Variants in SPATA13 observed in about 807,000 individuals in gnomAD.
SPATA13 encodes spermatogenesis-associated protein 13.
SPATA13 carries 50 observed loss-of-function variants against 104.0 expected under a neutral mutation model. The ratio of observed to expected loss-of-function variants is 0.48; its 90% CI spans 0.38 to 0.61. The LOEUF is 0.61. SPATA13 is among the 20% of genes least tolerant of loss of function. SPATA13 has a pLI of 0.00. For missense variants in SPATA13, 1,524 were observed against 1,690.6 expected (o/e 0.90, Z 1.73); for synonymous variants, 606 against 667.5 (o/e 0.91, Z 1.42).
intron 3 of SPATA13, among the ~76,000 whole-genome samples, chr13:24,082,215 G>C (rs565402102): frequency 6.6e-6 from 1 of 152,306 alleles, no homozygotes; most frequent in South Asian, 2.1e-4. Context: ...CAACAGGGGA[G>C]GACGCTGAGG....
chr13:24,279,325 G>A (rs1449219082), intron 4 of SPATA13, among the ~76,000 whole-genome samples: 1 of 152,198 alleles, frequency 6.6e-6, no homozygotes. Context: ...AGAGGGGTGG[G>A]AGGCACAGTG....
intron 1 of SPATA13, among the ~76,000 whole-genome samples, chr13:24,190,733 G>A (rs1869681497): frequency 6.6e-6 from 1 of 152,084 alleles, no homozygotes; most frequent in African/African-American, 2.4e-5. Flanking sequence ...GTGGTTTCTT[G>A]TGACGGAAAC....
chr13:24,110,726 T>C (rs909493040), intron 3 of SPATA13, among the ~76,000 whole-genome samples: 2 of 152,114 alleles, frequency 1.3e-5, no homozygotes, highest in Non-Finnish European at 2.9e-5. Flanking sequence ...GGAATACATA[T>C]GTAACCTAGG....
intron 3 of SPATA13, among the ~76,000 whole-genome samples, chr13:24,147,062 G>A (rs1042447359): frequency 7.9e-5 from 12 of 152,002 alleles, no homozygotes; most frequent in Non-Finnish European, 1.6e-4. Flanking sequence ...ATTTTCCGCT[G>A]CCCATAACTC....
intron 3 of SPATA13, among the ~76,000 whole-genome samples, chr13:24,087,274 T>C (rs1593320990): frequency 6.6e-6 from 1 of 151,908 alleles, no homozygotes; most frequent in South Asian, 2.1e-4. Context: ...CTTGCCTGAG[T>C]TCCTGAGCAA....
chr13:24,227,693 C>T (rs1395165138), intron 2 of SPATA13, among the ~76,000 whole-genome samples: 2 of 152,092 alleles, frequency 1.3e-5, no homozygotes, highest in Admixed American at 1.3e-4. Flanking sequence ...GTCTCAGCCT[C>T]CCAAGTAGCT....
At chr13:24,270,168 T>C (rs1417937320) in intron 4 of SPATA13, among the ~76,000 whole-genome samples, 1 of 152,200 alleles carries the variant, frequency 6.6e-6, no homozygotes, top group African/African-American at 2.4e-5. Context: ...TTTTACAATA[T>C]GAAAGACTTG....
rs999876052 is a variant in SPATA13, at chr13:24,251,967, C to T, written c.2164+105C>T. 7 of 1,416,332 alleles carry T rather than the reference C, an allele frequency of 4.9e-6. No homozygotes were observed. The African/African-American group carries it at 1.0e-4, about 20-fold the overall frequency. The allele number at this position is 1,416,332 out of a possible 1,614,324, so 87.7% of individuals were successfully genotyped here. A position where few individuals can be genotyped will look rare whatever the true frequency, so the allele number is the denominator to read the frequency against. On this transcript the variant is annotated intron_variant, in intron 4 of 12. Coordinates refer to ENST00000382108, the MANE Select transcript of SPATA13 (RefSeq NM_001166271.3). ...CTGCACCTTCGCGCCTCCCTTGGGC[C>T]AGGGCGCGTTTGTCTGGGAGTGAGG...
At chr13:24,181,971 C>T (rs975933590) in intron 1 of SPATA13, among the ~76,000 whole-genome samples, 25 of 152,070 alleles carry the variant, frequency 1.6e-4, no homozygotes, top group Admixed American at 2.0e-4. Flanking sequence ...AAAAATTAGC[C>T]GGATGTGGTG....
At chr13:24,277,748 C>A (rs1267414339) in intron 4 of SPATA13, among the ~76,000 whole-genome samples, 9 of 152,112 alleles carry the variant, frequency 5.9e-5, no homozygotes, top group Non-Finnish European at 1.2e-4. Flanking sequence ...GCTGGGAAGA[C>A]AAAAATCAAA....
intron 2 of SPATA13, among the ~76,000 whole-genome samples, chr13:24,226,572 G>T (rs1041425577): frequency 1.3e-5 from 2 of 152,190 alleles, no homozygotes; most frequent in African/African-American, 4.8e-5. Flanking sequence ...ATGGGGAAAT[G>T]CATTCATGTG....
intron 4 of SPATA13, among the ~76,000 whole-genome samples, chr13:24,264,233 G>A (rs778907039): frequency 2.0e-5 from 3 of 152,066 alleles, no homozygotes; most frequent in Non-Finnish European, 4.4e-5. Context: ...AAAAGTTATT[G>A]AAAATATCGT....
intron 4 of SPATA13, among the ~76,000 whole-genome samples, chr13:24,252,147 A>G (rs1333244644): frequency 3.5e-5 from 3 of 85,774 alleles, no homozygotes; most frequent in Admixed American, 1.1e-4. Flanking sequence ...ACCGAGACCC[A>G]GGCTAGAAAT....
chr13:24,185,818 CAGAGAG>C (rs71070657), intron 1 of SPATA13, among the ~76,000 whole-genome samples: 2 of 149,198 alleles, frequency 1.3e-5, no homozygotes, highest in Non-Finnish European at 3.0e-5. Flanking sequence ...CATCAAGAGA[CAGAGAG>C]AGAGAGAGAG....
At chr13:24,150,752 C>T (rs1031361750) in intron 3 of SPATA13, among the ~76,000 whole-genome samples, 10 of 152,158 alleles carry the variant, frequency 6.6e-5, no homozygotes, top group Admixed American at 6.5e-5. Context: ...CCTTCTTCCT[C>T]AGGGAACCCA....
At chr13:24,202,980 G>T (rs1383733249) in intron 1 of SPATA13, among the ~76,000 whole-genome samples, 7 of 151,908 alleles carry the variant, frequency 4.6e-5, no homozygotes, top group South Asian at 4.1e-4. Flanking sequence ...TTTCCCTCAA[G>T]TTTTATTTTA....
At chr13:24,217,364 A>G (rs1013615686) in intron 1 of SPATA13, among the ~76,000 whole-genome samples, 2 of 152,212 alleles carry the variant, frequency 1.3e-5, no homozygotes, top group African/African-American at 4.8e-5. Context: ...GCTGCTAGAC[A>G]TCCTACAAAG....
At chr13:24,179,413 AGT>A (rs1868651787) in intron 1 of SPATA13, among the ~76,000 whole-genome samples, 1 of 152,216 alleles carries the variant, frequency 6.6e-6, no homozygotes, top group Admixed American at 6.5e-5. Flanking sequence ...TGGGGGCTCC[AGT>A]TTTTAAACTG....
chr13:24,166,268 G>A (rs1882728891), intron 1 of SPATA13, among the ~76,000 whole-genome samples: 1 of 152,216 alleles, frequency 6.6e-6, no homozygotes, highest in Non-Finnish European at 1.5e-5. Context: ...TCTAGAGGGA[G>A]AGGCCCATAT....
Sources: gnomAD v4.1 joint callset for allele counts (sites outside exome capture counted in the v4.1 genomes callset) on GRCh38, gnomAD v4.1.1 for gene constraint, MANE v1.5 for transcripts, NCBI Gene and HGNC (gene_info 2026-07-23, HGNC 2026-07-21) for gene names.